BRSK2: variants seen among roughly 807,000 people sequenced by gnomAD.
BRSK2 encodes serine/threonine-protein kinase BRSK2.
Under a neutral mutation model 83.3 loss-of-function variants are expected in BRSK2, and 19 were observed. The ratio of observed to expected loss-of-function variants is 0.23; its 90% CI spans 0.16 to 0.33. The LOEUF (loss-of-function observed/expected upper bound fraction) is 0.33, where lower values mean the gene tolerates loss of function less well. BRSK2 is among the 10% of genes least tolerant of loss of function. The probability of loss-of-function intolerance (pLI) is 1.00; values close to 1 mark genes in which losing one functional copy is unlikely to be tolerated. For synonymous variants in BRSK2, 519 were observed against 435.4 expected, an observed-to-expected ratio of 1.19 and a Z score of -2.39; for missense variants, 798 against 1,042.3, an observed-to-expected ratio of 0.77 and a Z score of 3.23.
intron 1 of BRSK2, chr11:1,411,130 A>G: frequency 8.3e-7 from 1 of 1,207,778 alleles, no homozygotes; most frequent in Non-Finnish European, 1.0e-6. Context: ...GGGGATCCTC[A>G]GGGGCCTAGG....
chr11:1,443,904 T>C (rs1851683205), intron 8 of BRSK2, among the ~76,000 whole-genome samples: 2 of 151,840 alleles, frequency 1.3e-5, no homozygotes, highest in Admixed American at 1.3e-4. Flanking sequence ...GTGTGTGGGC[T>C]CGTGTTCAGG....
chr11:1,396,784 G>A lies in BRSK2; in HGVS notation c.91+6409G>A, dbSNP rs370550752. Among the ~76,000 whole-genome samples the A allele has an allele frequency of 7.1e-3, 1,079 of 152,306 alleles. 15 individuals are homozygous for A. Among genetic ancestry groups the A allele is most frequent in the African/African-American group, 0.024 (977 of 41,574 alleles). ...AGGCGGGCTGGTCCCCGTGACTGCC[G>A]GCCGCCGGCATCCACCTATGTGGGG... On this transcript the variant is annotated intron_variant, in intron 1 of 19. Coordinates refer to ENST00000528841, the MANE Select transcript of BRSK2 (RefSeq NM_001256627.2).
At chr11:1,411,308 G>A in intron 1 of BRSK2, 1 of 1,341,992 alleles carries the variant, frequency 7.5e-7, no homozygotes, top group Non-Finnish European at 9.5e-7. Context: ...GCCTGCCCGG[G>A]TGGGGTCCTG....
At chr11:1,399,844 A>G (rs1384101142) in intron 1 of BRSK2, among the ~76,000 whole-genome samples, 1 of 152,052 alleles carries the variant, frequency 6.6e-6, no homozygotes, top group Non-Finnish European at 1.5e-5. Context: ...GCTGAACCCC[A>G]GCTCTGTGGT....
intron 1 of BRSK2, chr11:1,411,726 C>T: frequency 6.7e-7 from 1 of 1,500,388 alleles, no homozygotes; most frequent in Non-Finnish European, 8.9e-7. Context: ...GGACGGGGGA[C>T]CTCGCCAGCA....
rs1850644604 is a variant in BRSK2 at position 1,438,494 on chromosome 11, G to A, written c.272+103G>A. On this transcript the variant is annotated intron_variant, in intron 3 of 19. Coordinates refer to ENST00000528841, the MANE Select transcript of BRSK2 (RefSeq NM_001256627.2). This position sits in a 1 kb window ranked among gnomAD's most constrained non-coding sequence, Gnocchi z 6.4. ...GGGAGCACAGGGGCTGGAGGCCAGG[G>A]GCGCCTGCTGCATCCCAGCAGCCCT... The A allele has an allele frequency of 9.6e-7, 1 of 1,046,936 alleles. No homozygotes were observed. The highest frequency in any genetic ancestry group is 1.6e-5 in the African/African-American group (1 of 63,320). The allele number at this position is 1,046,936 out of a possible 1,614,324, so 64.9% of individuals were successfully genotyped here. A position where few individuals can be genotyped will look rare whatever the true frequency, so the allele number is the denominator to read the frequency against.
In BRSK2 at chr11:1,454,158, G is replaced by GGGGGGGCTTACCTGT. The variant is rs1554914640; in HGVS notation, c.1545-319_1545-318insTACCTGTGGGGGGCT. ...CCACCTCTCACAGCGGCCTTGGTGAGGGGGGGCTCACCTGTGGGGGGCTCA... is the reference window on the plus strand; with the variant it reads ...CCACCTCTCACAGCGGCCTTGGTGAGGGGGGGCTTACCTGTGGGGGGCTCACCTGTGGGGGGCTCA... On this transcript the variant is annotated intron_variant, in intron 15 of 19. Transcript: ENST00000528841. This position sits in a 1 kb window ranked among gnomAD's most constrained non-coding sequence, Gnocchi z 5.2. 1,474 of 178,130 alleles carry GGGGGGGCTTACCTGT rather than the reference G, an allele frequency of 8.3e-3. 12 individuals carry two copies. The highest frequency in any genetic ancestry group is 0.014 in the Non-Finnish European group (1,249 of 88,584). 11.0% of individuals were successfully genotyped at this position (178,130 alleles called of 1,614,324 possible). A position where few individuals can be genotyped will look rare whatever the true frequency, so the allele number is the denominator to read the frequency against.
chr11:1,444,940 G>C (rs752147786), intron 8 of BRSK2, 31 bp from the exon 9 acceptor site: 1 of 1,606,516 alleles, frequency 6.2e-7, no homozygotes, highest in African/African-American at 1.3e-5. Flanking sequence ...TCCCTCGTCC[G>C]TACTAACTCC....
Position 1,460,709 on chromosome 11 carries a change from C to A in BRSK2, c.2197C>A (p.Arg733Ser), listed in dbSNP as rs1390155185. ...TAKMGPPTARREQP is the reference protein window; with the variant it reads ...TAKMGPPTARSEQP ...CAAGATGGGCCCGCCCACCGCCCGCCGCGAGCAGCCTTAGACACACTAGCC... is the reference window on the plus strand; with the variant it reads ...CAAGATGGGCCCGCCCACCGCCCGCAGCGAGCAGCCTTAGACACACTAGCC... The change falls in exon 20 of 20, where the codon CGC (arginine) becomes AGC (serine). Residue 733 changes from arginine (R) to serine (S), a missense_variant. Physicochemically the swap from Arg to Ser is moderately radical, Grantham distance 110 (BLOSUM62 -1). Transcript: ENST00000528841. 1 of 1,461,210 alleles carries A rather than the reference C, an allele frequency of 6.8e-7. No individual in the cohort carries two copies. The highest frequency in any genetic ancestry group is 9.1e-7 in the Non-Finnish European group (1 of 1,099,212). The allele number at this position is 1,461,210 out of a possible 1,614,324, so 90.5% of individuals were successfully genotyped here.
intron 1 of BRSK2, among the ~76,000 whole-genome samples, chr11:1,420,308 G>A (rs1011015409): frequency 6.6e-6 from 1 of 152,226 alleles, no homozygotes; most frequent in African/African-American, 2.4e-5. Flanking sequence ...AGAGGGGAGA[G>A]GCTGGCCAGG....
intron 1 of BRSK2, among the ~76,000 whole-genome samples, chr11:1,427,161 C>T (rs1201121776): frequency 6.6e-6 from 1 of 152,140 alleles, no homozygotes; most frequent in East Asian, 1.9e-4. Flanking sequence ...TTCCTGGGGG[C>T]AGGGCGCTGC....
intron 1 of BRSK2, among the ~76,000 whole-genome samples, chr11:1,400,616 G>A (rs981432710): frequency 5.3e-5 from 8 of 152,184 alleles, no homozygotes; most frequent in African/African-American, 1.9e-4. Flanking sequence ...GGACACACAT[G>A]CTGGAACGTT....
intron 2 of BRSK2, among the ~76,000 whole-genome samples, chr11:1,437,473 G>C (rs1394012874): frequency 2.0e-5 from 3 of 152,228 alleles, no homozygotes; most frequent in Admixed American, 6.5e-5. Flanking sequence ...GTCTGAGGGA[G>C]GGGGCCCTGC....
At chr11:1,452,545 A>G (rs1043663669) in intron 15 of BRSK2, among the ~76,000 whole-genome samples, 5 of 152,052 alleles carry the variant, frequency 3.3e-5, no homozygotes, top group Admixed American at 6.5e-5. Context: ...CCCCTCCCCC[A>G]TCTTGAGATG....
Position 1,454,383 on chromosome 11 carries a change from A to G in BRSK2, c.1545-102A>G. On this transcript the variant is annotated intron_variant, in intron 15 of 19. Coordinates refer to ENST00000528841, the MANE Select transcript of BRSK2 (RefSeq NM_001256627.2). This position sits in a 1 kb window ranked among gnomAD's most constrained non-coding sequence, Gnocchi z 5.2. ...GTGGAGACAGCCGTTTCTATCACGA[A>G]GCGATGGAAGATTCCGCCGTTCCAA... 1 of 1,380,366 alleles carries G rather than the reference A, an allele frequency of 7.2e-7. No homozygotes were observed. The highest frequency in any genetic ancestry group is 1.0e-6 in the Non-Finnish European group (1 of 988,340). 85.5% of individuals were successfully genotyped at this position (1,380,366 alleles called of 1,614,324 possible). A position where few individuals can be genotyped will look rare whatever the true frequency, so the allele number is the denominator to read the frequency against.
chr11:1,450,675 C>A lies in BRSK2; in HGVS notation c.1376C>A (p.Thr459Lys), dbSNP rs544618758. 3 of 1,609,060 alleles carry A rather than the reference C, an allele frequency of 1.9e-6. No homozygotes were observed. Among genetic ancestry groups the A allele is most frequent in the Non-Finnish European group, 2.5e-6 (3 of 1,178,648 alleles). The change falls in exon 14 of 20, where the codon ACG becomes AAG. Residue 459 changes from threonine to lysine, a missense_variant. Thr to Lys is a moderately conservative substitution (Grantham distance 78). This residue lies in a region of BRSK2 where 455 missense variants were observed against 455.2 expected (regional missense o/e 1.00). Coordinates refer to ENST00000528841, the MANE Select transcript of BRSK2 (RefSeq NM_001256627.2). ...ACGCCAAAGGAGAGCCCGGCTGGCA[C>A]GCCCAACCCCACGCCCCCGTCCAGC... ...VHTPKESPAGTPNPTPPSSPS... is the reference protein window; with the variant it reads ...VHTPKESPAGKPNPTPPSSPS...
At chr11:1,437,459 G>C (rs1355655553) in intron 2 of BRSK2, among the ~76,000 whole-genome samples, 1 of 152,218 alleles carries the variant, frequency 6.6e-6, no homozygotes, top group African/African-American at 2.4e-5. Context: ...GGCCAGGCTT[G>C]CATGTCTGAG....
chr11:1,437,697 C>T (rs1321950550), intron 2 of BRSK2, among the ~76,000 whole-genome samples: 4 of 152,224 alleles, frequency 2.6e-5, no homozygotes, highest in South Asian at 2.1e-4. Flanking sequence ...AGGCCTGTCC[C>T]GGCCCCTCCT....
At chr11:1,447,699 A>C (rs1852339608) in intron 12 of BRSK2, 1 of 1,100,830 alleles carries the variant, frequency 9.1e-7, no homozygotes, top group Non-Finnish European at 1.3e-6. Flanking sequence ...CCTCAGAGCC[A>C]CGTGGAGTTC....
Sources: allele counts gnomAD v4.1 joint callset (sites outside exome capture counted in the v4.1 genomes callset), GRCh38; gene constraint gnomAD v4.1.1; regional missense constraint gnomAD v4.1.1; non-coding constraint Gnocchi (gnomAD v3.1); transcripts MANE v1.5; gene names NCBI Gene and HGNC (gene_info 2026-07-23, HGNC 2026-07-21).